Variants in CACNA2D3 observed in about 807,000 individuals in gnomAD.
CACNA2D3 encodes calcium voltage-gated channel auxiliary subunit alpha2delta 3, also known as voltage-dependent calcium channel subunit alpha-2/delta-3.
CACNA2D3 carries 60 observed loss-of-function variants against 160.6 expected under a neutral mutation model. That is an observed-to-expected ratio of 0.37 (90% CI 0.30 to 0.46). The LOEUF (loss-of-function observed/expected upper bound fraction) is 0.46, where lower values mean the gene tolerates loss of function less well. Among genes scored for constraint, CACNA2D3 ranks in the 20% least tolerant of loss-of-function variants. The probability of loss-of-function intolerance (pLI) is 1.00; values close to 1 mark genes in which losing one functional copy is unlikely to be tolerated. For missense variants in CACNA2D3, 1,205 were observed against 1,365.0 expected, an observed-to-expected ratio of 0.88 and a Z score of 1.85; for synonymous variants, 558 against 492.9, an observed-to-expected ratio of 1.13 and a Z score of -1.75.
chr3:54,285,637 G>C (rs545739014), intron 2 of CACNA2D3, among the ~76,000 whole-genome samples: 2 of 152,304 alleles, frequency 1.3e-5, no homozygotes, highest in African/African-American at 4.8e-5. Flanking sequence ...GCCTCCTCAA[G>C]TGGGTCCCTG....
At chr3:54,720,230 CCTTA>C (rs1268993904) in intron 11 of CACNA2D3, among the ~76,000 whole-genome samples, 1 of 151,842 alleles carries the variant, frequency 6.6e-6, no homozygotes, top group Non-Finnish European at 1.5e-5. Flanking sequence ...TGGTTTCCAG[CCTTA>C]CTTTTTTATT....
At chr3:55,007,385 A>C (rs1703121018) in intron 32 of CACNA2D3, among the ~76,000 whole-genome samples, 1 of 152,240 alleles carries the variant, frequency 6.6e-6, no homozygotes, top group Non-Finnish European at 1.5e-5. Context: ...GATGGAGAAC[A>C]GGGAATCACC....
intron 2 of CACNA2D3, among the ~76,000 whole-genome samples, chr3:54,137,550 GT>G (rs1188620500): frequency 6.6e-6 from 1 of 151,940 alleles, no homozygotes; most frequent in Non-Finnish European, 1.5e-5. Flanking sequence ...ACAAAACTGT[GT>G]TTTTTTTCTA....
intron 27 of CACNA2D3, among the ~76,000 whole-genome samples, chr3:54,915,102 C>A (rs1437914745): frequency 1.3e-5 from 2 of 152,156 alleles, no homozygotes; most frequent in East Asian, 3.8e-4. Flanking sequence ...TTTAGTCTTG[C>A]CATTTTTATA....
chr3:54,132,615 G>A (rs745356448), intron 2 of CACNA2D3, among the ~76,000 whole-genome samples: 2 of 152,178 alleles, frequency 1.3e-5, no homozygotes, highest in Non-Finnish European at 2.9e-5. Context: ...CTTGAACAGC[G>A]AGGTTTTCAG....
chr3:54,340,373 G>T (rs1330069723), intron 3 of CACNA2D3, among the ~76,000 whole-genome samples: 1 of 152,036 alleles, frequency 6.6e-6, no homozygotes, highest in Non-Finnish European at 1.5e-5. Flanking sequence ...TCTTATTTCT[G>T]GTGCGTTTCA....
chr3:55,004,790 G>GT lies in CACNA2D3; in HGVS notation c.2719dup (p.Cys907LeufsTer2). 1 of 1,613,660 alleles carries GT rather than the reference G, an allele frequency of 6.2e-7. No homozygotes were observed. On this transcript the variant is annotated frameshift_variant, in exon 32 of 38. Coordinates refer to ENST00000474759, the MANE Select transcript of CACNA2D3 (RefSeq NM_018398.3). LOFTEE classifies it high-confidence loss of function. ...TTACCCTTTATGACTACCAAGCCAT[G>GT]TGTAGAGCCAACAAGGAAAGCAGCG...
rs562359468 is a variant in CACNA2D3 at position 54,562,930 on chromosome 3, G to A, written c.675G>A (p.Pro225=). The change falls in exon 6 of 38, where the codon CCG becomes CCA. Residue 225 remains proline, a splice_region_variant and synonymous_variant. Coordinates refer to ENST00000474759, the MANE Select transcript of CACNA2D3 (RefSeq NM_018398.3). ...GSAKGFFRQY[P]GIKWEPDENG... is the part of the protein sequence containing the mutation. ...CAAAGGGCTTTTTTAGGCAGTATCC[G>A]GGTGAGTATACCTGCATTGACAGTT... The A allele has an allele frequency of 3.8e-5, 62 of 1,612,970 alleles. No homozygotes were observed. Among genetic ancestry groups the A allele is most frequent in the Non-Finnish European group, 4.9e-5 (58 of 1,179,274 alleles).
At chr3:54,487,608 A>T (rs1035036786) in intron 4 of CACNA2D3, among the ~76,000 whole-genome samples, 1 of 152,190 alleles carries the variant, frequency 6.6e-6, no homozygotes, top group African/African-American at 2.4e-5. Context: ...GAACAAGATT[A>T]AAAATATTTC....
chr3:54,398,346 T>C, intron 4 of CACNA2D3, among the ~76,000 whole-genome samples: 1 of 13,566 alleles, frequency 7.4e-5, no homozygotes, highest in African/African-American at 3.2e-4. Flanking sequence ...ATGTGTGAAT[T>C]TGATCCTGTC....
At chr3:54,602,223 CGTGG>C (rs1278067525) in intron 9 of CACNA2D3, among the ~76,000 whole-genome samples, 1 of 152,104 alleles carries the variant, frequency 6.6e-6, no homozygotes, top group Non-Finnish European at 1.5e-5. Flanking sequence ...CAAGGCCAGG[CGTGG>C]TGGCTCATGC....
In CACNA2D3 at chr3:54,353,113, T is replaced by C. The variant is rs1287889320; in HGVS notation, c.321+32555T>C. Reference sequence around the variant, plus strand: ...TAGATCTTACCCATTCTCTCTGTTTTCTTTTTTGTACCCATTAACCATCCC... The same window carrying C: ...TAGATCTTACCCATTCTCTCTGTTTCCTTTTTTGTACCCATTAACCATCCC... On this transcript the variant is annotated intron_variant, in intron 3 of 37. Coordinates refer to ENST00000474759, the MANE Select transcript of CACNA2D3 (RefSeq NM_018398.3). Among the ~76,000 whole-genome samples, 3 of 152,338 alleles carry C rather than the reference T, an allele frequency of 2.0e-5. 1 individual carries two copies. In the East Asian group the frequency reaches 5.8e-4, roughly 29 times the overall value.
chr3:54,597,619 G>A (rs1702980258), intron 9 of CACNA2D3, among the ~76,000 whole-genome samples: 1 of 152,152 alleles, frequency 6.6e-6, no homozygotes, highest in Admixed American at 6.6e-5. Context: ...GAAGAGTGAT[G>A]GGTGGGAAAA....
intron 4 of CACNA2D3, among the ~76,000 whole-genome samples, chr3:54,422,966 A>C (rs541246432): frequency 1.4e-4 from 21 of 152,200 alleles, no homozygotes; most frequent in Non-Finnish European, 2.5e-4. Context: ...GCAGGCAGAA[A>C]CGTTATTCCT....
intron 3 of CACNA2D3, among the ~76,000 whole-genome samples, chr3:54,345,796 G>C (rs374684114): frequency 2.6e-5 from 4 of 151,804 alleles, no homozygotes; most frequent in African/African-American, 9.7e-5. Flanking sequence ...TGCAATCTTA[G>C]ATAGGACATG....
chr3:54,573,371 G>C (rs780248951), intron 8 of CACNA2D3, among the ~76,000 whole-genome samples: 7 of 152,200 alleles, frequency 4.6e-5, no homozygotes, highest in African/African-American at 1.7e-4. Flanking sequence ...TGTAGGCAAT[G>C]TATGTAATAA....
chr3:54,516,959 G>A (rs1365888688), intron 5 of CACNA2D3, among the ~76,000 whole-genome samples: 1 of 152,210 alleles, frequency 6.6e-6, no homozygotes, highest in African/African-American at 2.4e-5. Context: ...ACCAGCACTA[G>A]TGAGATAGTG....
intron 14 of CACNA2D3, among the ~76,000 whole-genome samples, chr3:54,832,934 C>A (rs1271936858): frequency 6.6e-6 from 1 of 152,164 alleles, no homozygotes; most frequent in African/African-American, 2.4e-5. Flanking sequence ...GTTATACTCT[C>A]TGGGGTCATG....
At position 54,364,046 on chromosome 3, in the gene CACNA2D3, A is replaced by G. The variant is rs1034990361; in HGVS notation, c.322-22669A>G. ...CACTTTTGAGAACATGATTGATTAG[A>G]ACATTATGGCGCCTGAGCCCCTGCA... On this transcript the variant is annotated intron_variant, in intron 3 of 37. Transcript: ENST00000474759. Among the ~76,000 whole-genome samples, 3 of 152,192 alleles carry G rather than the reference A, an allele frequency of 2.0e-5. No homozygotes were observed. In the East Asian group the frequency reaches 5.8e-4, roughly 29 times the overall value.
Sources: gnomAD v4.1 joint callset for allele counts (sites outside exome capture counted in the v4.1 genomes callset) on GRCh38, gnomAD v4.1.1 for gene constraint, MANE v1.5 for transcripts, NCBI Gene and HGNC (gene_info 2026-07-23, HGNC 2026-07-21) for gene names.